AOAH: variants seen among roughly 807,000 people sequenced by gnomAD.
AOAH encodes acyloxyacyl hydrolase (neutrophil).
AOAH carries 64 observed loss-of-function variants against 92.2 expected under a neutral mutation model. The observed-to-expected ratio is 0.69, with a 90% confidence interval of 0.57 to 0.86. The LOEUF (loss-of-function observed/expected upper bound fraction) is 0.86, where lower values mean the gene tolerates loss of function less well. Among genes scored for constraint, AOAH ranks in the 40% least tolerant of loss-of-function variants. The pLI is 0.00. For synonymous variants in AOAH, 263 were observed against 254.5 expected, an observed-to-expected ratio of 1.03 and a Z score of -0.32; for missense variants, 656 against 694.6, an observed-to-expected ratio of 0.94 and a Z score of 0.62.
chr7:36,717,727 A>AT (rs10624883), intron 1 of AOAH, among the ~76,000 whole-genome samples: 2,067 of 122,716 alleles, frequency 0.017, 52 homozygotes, highest in Middle Eastern at 0.046. Context: ...TTCTCTTCTT[A>AT]TTTTTTTTTT....
At chr7:36,662,279 T>C (rs961352397) in intron 3 of AOAH, among the ~76,000 whole-genome samples, 5 of 152,242 alleles carry the variant, frequency 3.3e-5, no homozygotes, top group African/African-American at 1.2e-4. Context: ...GCTGGCAAGA[T>C]GGTTTATCAC....
chr7:36,632,308 C>T (rs1404397072), intron 5 of AOAH, among the ~76,000 whole-genome samples: 1 of 152,166 alleles, frequency 6.6e-6, no homozygotes, highest in Non-Finnish European at 1.5e-5. Context: ...CCATCGGGCT[C>T]CTCAGCCCGA....
At chr7:36,576,681 T>C (rs201605440) in intron 12 of AOAH, 25 bp from the exon 13 acceptor site, 113 of 1,275,608 alleles carry the variant, frequency 8.9e-5, no homozygotes, top group Non-Finnish European at 1.0e-4. Context: ...TATGTATATA[T>C]TTAAGGTCAG....
rs528571296 is a variant in AOAH at position 36,625,715 on chromosome 7, C to G, written c.522-2465G>C. On this transcript the variant is annotated intron_variant, in intron 6 of 20. Transcript: ENST00000617537. ...GAACAGTTCAGGTGTGGGCTGTAGCCAAATTCCACCCCCATGATCACCCAC... is the reference window on the plus strand; with the variant it reads ...GAACAGTTCAGGTGTGGGCTGTAGCGAAATTCCACCCCCATGATCACCCAC... Among the ~76,000 whole-genome samples, 9 of 152,276 alleles carry G rather than the reference C, an allele frequency of 5.9e-5. No homozygotes were observed. The South Asian group carries it at 1.7e-3, about 28-fold the overall frequency.
chr7:36,592,257 A>C, intron 12 of AOAH, among the ~76,000 whole-genome samples: 1 of 152,166 alleles, frequency 6.6e-6, no homozygotes, highest in South Asian at 2.1e-4. Context: ...GGGGATGACC[A>C]AGGTTCTCTC....
intron 12 of AOAH, among the ~76,000 whole-genome samples, chr7:36,591,011 T>TGA (rs1562598501): frequency 1.3e-5 from 2 of 152,070 alleles, no homozygotes; most frequent in African/African-American, 2.4e-5. Flanking sequence ...CATAGCAAAT[T>TGA]ATGATCCCAC....
chr7:36,558,630 A>G, intron 13 of AOAH, among the ~76,000 whole-genome samples: 1 of 152,246 alleles, frequency 6.6e-6, no homozygotes, highest in East Asian at 1.9e-4. Context: ...GGCTCCACCC[A>G]GTTCGAGCTT....
At position 36,595,673 on chromosome 7, in the gene AOAH, T is replaced by C. The variant is rs374834311; in HGVS notation, c.847-1243A>G. Among the ~76,000 whole-genome samples, 4 of 152,268 alleles carry C rather than the reference T, an allele frequency of 2.6e-5. No homozygotes were observed. The East Asian group carries it at 5.8e-4, about 22-fold the overall frequency. On this transcript the variant is annotated intron_variant, in intron 11 of 20. Coordinates refer to ENST00000617537, the MANE Select transcript of AOAH (RefSeq NM_001637.4). ...ACATACTTATACTTGAAAAATTTGT[T>C]ATTTATCCTAAGCTCAAATTTGACT...
intron 4 of AOAH, among the ~76,000 whole-genome samples, chr7:36,639,011 C>A (rs1215904055): frequency 6.6e-6 from 1 of 152,202 alleles, no homozygotes; most frequent in Non-Finnish European, 1.5e-5. Flanking sequence ...GATAGTCCCA[C>A]CCAGTGGGCA....
chr7:36,632,434 TAAAG>T (rs1793187341), intron 5 of AOAH, among the ~76,000 whole-genome samples: 2 of 149,248 alleles, frequency 1.3e-5, no homozygotes, highest in African/African-American at 4.8e-5. Flanking sequence ...GCTTTAAAAA[TAAAG>T]AAGATTTTCA....
chr7:36,524,650 C>T (rs986697907), intron 19 of AOAH, among the ~76,000 whole-genome samples: 5 of 151,576 alleles, frequency 3.3e-5, no homozygotes, highest in African/African-American at 7.3e-5. Context: ...CACTTCAGCC[C>T]GGGAGACAGT....
intron 1 of AOAH, among the ~76,000 whole-genome samples, chr7:36,713,807 T>C (rs1798941444): frequency 6.6e-6 from 1 of 152,140 alleles, no homozygotes. Flanking sequence ...TACCAGAATC[T>C]CTGGGACACA....
intron 5 of AOAH, among the ~76,000 whole-genome samples, chr7:36,636,472 CAATTG>C (rs1467709169): frequency 6.6e-6 from 1 of 152,060 alleles, no homozygotes; most frequent in Non-Finnish European, 1.5e-5. Context: ...AATAAAATAC[CAATTG>C]TATTGTTCTC....
chr7:36,602,902 T>G (rs998244948), intron 11 of AOAH, among the ~76,000 whole-genome samples: 1 of 152,202 alleles, frequency 6.6e-6, no homozygotes, highest in Admixed American at 6.5e-5. Flanking sequence ...TGATCTCATT[T>G]TCTTTCTCTC....
chr7:36,517,767 A>C (rs1278045835), intron 20 of AOAH, among the ~76,000 whole-genome samples: 1 of 151,528 alleles, frequency 6.6e-6, no homozygotes, highest in African/African-American at 2.4e-5. Flanking sequence ...TGCCTGGCTA[A>C]TTTTTGTATT....
chr7:36,686,531 A>AT (rs60875600), intron 2 of AOAH, among the ~76,000 whole-genome samples, 168 bp downstream of exon 2: 1,828 of 151,130 alleles, frequency 0.012, 43 homozygotes, highest in African/African-American at 0.042. Flanking sequence ...TGCCCAGAGC[A>AT]TTTTTTTTTG....
intron 3 of AOAH, among the ~76,000 whole-genome samples, chr7:36,669,354 A>G (rs1795760091): frequency 6.6e-6 from 1 of 150,822 alleles, no homozygotes; most frequent in East Asian, 1.9e-4. Context: ...CTTGGGAATA[A>G]CAGAATTATA....
chr7:36,556,474 GAGAGTTCTGTAGATGTTTATT>G (rs1786721777), intron 13 of AOAH, among the ~76,000 whole-genome samples: 1 of 152,070 alleles, frequency 6.6e-6, no homozygotes, highest in Admixed American at 6.6e-5. Flanking sequence ...ATTTGGGGTG[GAGAGTTCTGTAGATGTTTATT>G]AGGTCCACTT....
intron 12 of AOAH, among the ~76,000 whole-genome samples, chr7:36,587,026 C>T (rs538434590): frequency 8.4e-4 from 127 of 151,986 alleles, no homozygotes; most frequent in African/African-American, 2.9e-3. Context: ...AATCCCAGCA[C>T]GTTGGGAGGC....
Sources: allele counts gnomAD v4.1 joint callset (sites outside exome capture counted in the v4.1 genomes callset), GRCh38; gene constraint gnomAD v4.1.1; transcripts MANE v1.5; gene names NCBI Gene and HGNC (gene_info 2026-07-23, HGNC 2026-07-21).